Variants in RBMS3 observed in about 807,000 individuals in gnomAD.
RBMS3 encodes the protein RNA binding motif single stranded interacting protein 3.
A neutral mutation model predicts 66.8 loss-of-function variants in RBMS3; 27 were observed. The ratio of observed to expected loss-of-function variants is 0.40; its 90% CI spans 0.30 to 0.56. RBMS3 has a LOEUF of 0.56. Ranked by LOEUF, RBMS3 falls within the 20% of genes least tolerant of loss-of-function variation. The pLI is 0.40. For missense variants in RBMS3, 513 were observed against 549.5 expected (o/e 0.93, Z 0.66); for synonymous variants, 188 against 183.0 (o/e 1.03, Z -0.22).
chr3:29,675,537 G>A (rs146430856), intron 4 of RBMS3, among the ~76,000 whole-genome samples: 19 of 152,074 alleles, frequency 1.2e-4, no homozygotes, highest in African/African-American at 4.3e-4. Flanking sequence ...CTCTGACAAA[G>A]GGCTAATATC....
chr3:29,305,776 A>G (rs1438227079), intron 1 of RBMS3, among the ~76,000 whole-genome samples: 1 of 152,000 alleles, frequency 6.6e-6, no homozygotes, highest in African/African-American at 2.4e-5. Flanking sequence ...TTTTACCAGA[A>G]TTGAACTGAT....
intron 4 of RBMS3, among the ~76,000 whole-genome samples, chr3:29,613,325 T>C (rs1291393229): frequency 6.6e-6 from 1 of 152,182 alleles, no homozygotes; most frequent in African/African-American, 2.4e-5. Flanking sequence ...TGTTCTTTTT[T>C]CTGCACATCC....
At chr3:29,427,863 C>A (rs1405632834) in intron 1 of RBMS3, among the ~76,000 whole-genome samples, 2 of 152,104 alleles carry the variant, frequency 1.3e-5, no homozygotes, top group East Asian at 3.9e-4. Flanking sequence ...GAACTGACTG[C>A]AGTTTGGCAT....
At chr3:29,716,406 T>C (rs545588377) in intron 4 of RBMS3, among the ~76,000 whole-genome samples, 1 of 152,162 alleles carries the variant, frequency 6.6e-6, no homozygotes, top group African/African-American at 2.4e-5. Flanking sequence ...TTGCTAATAA[T>C]GCAAGTCATC....
chr3:29,884,469 TCCCCCCCCGCTCCCTCC>T (rs2059819488), intron 8 of RBMS3, among the ~76,000 whole-genome samples: 7 of 66,318 alleles, frequency 1.1e-4, no homozygotes, highest in African/African-American at 3.2e-4. Flanking sequence ...TCTCTCTCTC[TCCCCCCCCGCTCCCTCC>T]CTCCCTCCCT....
At chr3:29,987,194 CTTTA>C (rs1338098812) in intron 12 of RBMS3, among the ~76,000 whole-genome samples, 1 of 152,084 alleles carries the variant, frequency 6.6e-6, no homozygotes, top group Non-Finnish European at 1.5e-5. Flanking sequence ...GAAAACTTGT[CTTTA>C]TTTGATGATT....
intron 4 of RBMS3, among the ~76,000 whole-genome samples, chr3:29,637,912 G>T (rs2049533309): frequency 6.6e-6 from 1 of 151,914 alleles, no homozygotes; most frequent in African/African-American, 2.4e-5. Flanking sequence ...ACTGGTAGTA[G>T]TTAGATGCCA....
intron 6 of RBMS3, among the ~76,000 whole-genome samples, chr3:29,770,787 G>T (rs1271610767): frequency 1.3e-5 from 2 of 151,980 alleles, no homozygotes; most frequent in East Asian, 1.9e-4. Flanking sequence ...GAAGCTGAGG[G>T]TTGAGTGGCT....
intron 2 of RBMS3, among the ~76,000 whole-genome samples, chr3:29,464,882 A>G (rs1392061202): frequency 6.6e-6 from 1 of 152,152 alleles, no homozygotes; most frequent in East Asian, 1.9e-4. Flanking sequence ...GCCACTCTGT[A>G]TCAATAACAG....
At chr3:29,425,329 G>A (rs770663290) in intron 1 of RBMS3, among the ~76,000 whole-genome samples, 7 of 151,542 alleles carry the variant, frequency 4.6e-5, no homozygotes, top group Non-Finnish European at 1.0e-4. Flanking sequence ...AGCCGAGATT[G>A]TGCCATTGCA....
intron 5 of RBMS3, among the ~76,000 whole-genome samples, chr3:29,747,941 A>G (rs1223081721): frequency 1.7e-5 from 2 of 114,524 alleles, no homozygotes; most frequent in Non-Finnish European, 3.6e-5. Context: ...CTATCTGCCT[A>G]GGTAATTTGT....
chr3:29,984,812 T>C lies in RBMS3; in HGVS notation c.1099-3331T>C, dbSNP rs1698257930. Among the ~76,000 whole-genome samples, 3 of 152,182 alleles carry C rather than the reference T, an allele frequency of 2.0e-5. No homozygotes were observed. The South Asian group carries it at 6.2e-4, about 32-fold the overall frequency. On this transcript the variant is annotated intron_variant, in intron 12 of 14. Coordinates refer to ENST00000383767, the MANE Select transcript of RBMS3 (RefSeq NM_001003793.3). ...TCGTCCCAGAGGGGCACCCACCAGA[T>C]GCCTGTATGAGGTGTCTGCCAGTCA... is the stretch of plus-strand genomic sequence containing the variant.
At position 29,384,255 on chromosome 3, in the gene RBMS3, G is replaced by T. The variant is rs906973294; in HGVS notation, c.76-50488G>T. Among the ~76,000 whole-genome samples, 9 of 152,160 alleles carry T rather than the reference G, an allele frequency of 5.9e-5. No homozygotes were observed. The East Asian group carries it at 1.7e-3, about 29-fold the overall frequency. On this transcript the variant is annotated intron_variant, in intron 1 of 14. Transcript: ENST00000383767. ...CTCTTGAACCCGGGAGGTTGAGGCT[G>T]CTGTGAGCCGTGATCGCACCACTAT... is the stretch of plus-strand genomic sequence containing the variant.
intron 3 of RBMS3, among the ~76,000 whole-genome samples, chr3:29,569,901 G>A (rs2046887054): frequency 6.6e-6 from 1 of 152,022 alleles, no homozygotes; most frequent in African/African-American, 2.4e-5. Context: ...TTTCAGAAAG[G>A]GTTAGGCAAT....
chr3:29,538,102 T>C (rs2045639354), intron 3 of RBMS3, among the ~76,000 whole-genome samples: 1 of 152,188 alleles, frequency 6.6e-6, no homozygotes, highest in Non-Finnish European at 1.5e-5. Flanking sequence ...ATTCACATTC[T>C]TGGGCAGCTT....
intron 5 of RBMS3, among the ~76,000 whole-genome samples, chr3:29,748,096 AATG>A (rs1299079588): frequency 6.6e-6 from 1 of 152,186 alleles, no homozygotes; most frequent in Non-Finnish European, 1.5e-5. Context: ...GAGGTAAGAG[AATG>A]ATGTTCTGTC....
At chr3:29,637,997 T>C (rs1419355151) in intron 4 of RBMS3, among the ~76,000 whole-genome samples, 2 of 151,836 alleles carry the variant, frequency 1.3e-5, no homozygotes, top group African/African-American at 4.8e-5. Context: ...ATCCATCCAT[T>C]TGGAAGAATC....
chr3:29,783,296 G>T (rs2056703405), intron 6 of RBMS3, among the ~76,000 whole-genome samples: 1 of 152,076 alleles, frequency 6.6e-6, no homozygotes, highest in African/African-American at 2.4e-5. Context: ...GAGCTGAGAG[G>T]CAAAAACATC....
intron 1 of RBMS3, among the ~76,000 whole-genome samples, chr3:29,369,146 C>T (rs552775921): frequency 6.6e-6 from 1 of 152,078 alleles, no homozygotes; most frequent in South Asian, 2.1e-4. Flanking sequence ...GAACAGCCGG[C>T]ACCGGGGCCT....
Sources: gnomAD v4.1 joint callset for allele counts (sites outside exome capture counted in the v4.1 genomes callset) on GRCh38, gnomAD v4.1.1 for gene constraint, MANE v1.5 for transcripts, NCBI Gene and HGNC (gene_info 2026-07-23, HGNC 2026-07-21) for gene names.